Variants in KCNH1 observed in about 807,000 individuals in gnomAD.
KCNH1 encodes the protein voltage-gated delayed rectifier potassium channel KCNH1.
KCNH1 carries 27 observed loss-of-function variants against 69.2 expected under a neutral mutation model. That is an observed-to-expected ratio of 0.39 (90% CI 0.29 to 0.54). The LOEUF (loss-of-function observed/expected upper bound fraction) is 0.54, where lower values mean the gene tolerates loss of function less well. Ranked by LOEUF, KCNH1 falls within the 20% of genes least tolerant of loss-of-function variation. The pLI, the probability that KCNH1 is intolerant of heterozygous loss-of-function variation, is 0.68. For missense variants in KCNH1, 798 were observed against 1,261.6 expected (o/e 0.63, Z 5.57); for synonymous variants, 456 against 487.7 (o/e 0.93, Z 0.86).
intron 5 of KCNH1, among the ~76,000 whole-genome samples, chr1:211,024,875 A>G (rs937637676): frequency 6.6e-6 from 1 of 151,836 alleles, no homozygotes; most frequent in African/African-American, 2.4e-5. Flanking sequence ...TGGCTGGTCC[A>G]AAGTAGGCAC....
At chr1:210,935,101 TA>T (rs1227114240) in intron 6 of KCNH1, among the ~76,000 whole-genome samples, 5 of 142,522 alleles carry the variant, frequency 3.5e-5, no homozygotes, top group African/African-American at 1.1e-4. Context: ...CATCAACAGA[TA>T]AATGGGCAAA....
intron 5 of KCNH1, among the ~76,000 whole-genome samples, chr1:211,075,665 A>G (rs1035348865): frequency 4.6e-5 from 7 of 152,250 alleles, no homozygotes; most frequent in Non-Finnish European, 7.3e-5. Flanking sequence ...AGCGTGATCA[A>G]TGCAGAAGAT....
At chr1:210,823,522 C>G (rs1254694054) in intron 7 of KCNH1, among the ~76,000 whole-genome samples, 4 of 152,174 alleles carry the variant, frequency 2.6e-5, no homozygotes, top group Non-Finnish European at 2.9e-5. Flanking sequence ...ATTTGGACCT[C>G]TTTCTTGCTT....
intron 5 of KCNH1, among the ~76,000 whole-genome samples, chr1:211,020,343 A>G (rs958807507): frequency 3.3e-5 from 5 of 152,046 alleles, no homozygotes; most frequent in African/African-American, 9.6e-5. Flanking sequence ...ATTAGAAGCT[A>G]TTATGAATAA....
At chr1:210,811,699 T>C (rs1333652158) in intron 7 of KCNH1, among the ~76,000 whole-genome samples, 2 of 152,084 alleles carry the variant, frequency 1.3e-5, no homozygotes, top group Non-Finnish European at 2.9e-5. Flanking sequence ...GTGCCCCATA[T>C]GAAAGTGAAA....
At chr1:210,859,643 G>A (rs1344186175) in intron 7 of KCNH1, 1 of 1,337,264 alleles carries the variant, frequency 7.5e-7, no homozygotes, top group East Asian at 2.3e-5. Flanking sequence ...TCATTCTTGT[G>A]TTCTGCATGG....
At chr1:210,985,916 C>T (rs932141967) in intron 6 of KCNH1, among the ~76,000 whole-genome samples, 5 of 152,310 alleles carry the variant, frequency 3.3e-5, no homozygotes, top group Non-Finnish European at 7.3e-5. Context: ...GTGTGGGAGT[C>T]TAAGTCTCTT....
intron 10 of KCNH1, among the ~76,000 whole-genome samples, chr1:210,701,932 A>T (rs1015852730): frequency 6.6e-6 from 1 of 152,128 alleles, no homozygotes; most frequent in East Asian, 1.9e-4. Flanking sequence ...CTTCAGGAAA[A>T]AACATGCCCC....
At chr1:210,762,388 C>G (rs1281672733) in intron 10 of KCNH1, among the ~76,000 whole-genome samples, 2 of 152,018 alleles carry the variant, frequency 1.3e-5, no homozygotes, top group Non-Finnish European at 2.9e-5. Context: ...CAGGGCAGAA[C>G]TAAATGAAAC....
chr1:211,030,121 T>C (rs1379889235), intron 5 of KCNH1, among the ~76,000 whole-genome samples: 6 of 152,188 alleles, frequency 3.9e-5, no homozygotes, highest in Non-Finnish European at 8.8e-5. Context: ...TCTATCAAAA[T>C]GCTGGCAAGA....
chr1:211,013,062 T>G (rs1028678021), intron 6 of KCNH1, among the ~76,000 whole-genome samples: 2 of 152,222 alleles, frequency 1.3e-5, no homozygotes, highest in African/African-American at 4.8e-5. Flanking sequence ...TCTCATGACT[T>G]TCACCTGACA....
chr1:210,727,877 C>G (rs915285009), intron 10 of KCNH1, among the ~76,000 whole-genome samples: 4 of 152,196 alleles, frequency 2.6e-5, no homozygotes, highest in African/African-American at 9.7e-5. Flanking sequence ...GTCTGCACAG[C>G]TAATCTCAAG....
intron 6 of KCNH1, among the ~76,000 whole-genome samples, chr1:210,991,671 T>C (rs1256447777): frequency 6.6e-6 from 1 of 151,122 alleles, no homozygotes; most frequent in Non-Finnish European, 1.5e-5. Context: ...AAAAAAGGTG[T>C]TACATATGTT....
At chr1:210,995,230 C>T (rs1266530664) in intron 6 of KCNH1, among the ~76,000 whole-genome samples, 2 of 152,096 alleles carry the variant, frequency 1.3e-5, no homozygotes, top group African/African-American at 4.8e-5. Context: ...ATTCAAGAGG[C>T]TTATATTTTT....
At chr1:211,002,336 GTGTATATATATA>G (rs1376100385) in intron 6 of KCNH1, among the ~76,000 whole-genome samples, 10 of 141,418 alleles carry the variant, frequency 7.1e-5, no homozygotes, top group African/African-American at 2.1e-4. Context: ...ATGTGTGTGT[GTGTATATATATA>G]TATATACACA....
At chr1:210,759,557 A>C (rs1683471726) in intron 10 of KCNH1, among the ~76,000 whole-genome samples, 1 of 152,106 alleles carries the variant, frequency 6.6e-6, no homozygotes, top group African/African-American at 2.4e-5. Flanking sequence ...GACCAAGCAG[A>C]AGAAAGTATT....
At chr1:210,886,866 G>C (rs536295347) in intron 7 of KCNH1, among the ~76,000 whole-genome samples, 1 of 152,190 alleles carries the variant, frequency 6.6e-6, no homozygotes, top group South Asian at 2.1e-4. Context: ...GAAAATGAAT[G>C]AACAAAGCCT....
chr1:210,970,107 T>TC (rs1382707831), intron 6 of KCNH1, among the ~76,000 whole-genome samples: 1 of 152,120 alleles, frequency 6.6e-6, no homozygotes, highest in Non-Finnish European at 1.5e-5. Context: ...CTTTTATTTT[T>TC]TTTTTATTTT....
At chr1:211,110,669 C>A (rs1538288) in intron 1 of KCNH1, among the ~76,000 whole-genome samples, 115,552 of 152,068 alleles carry the variant, frequency 0.76, 44,530 homozygotes, top group African/African-American at 0.89. Flanking sequence ...TTAGGGAGAG[C>A]AAAGAGAACA....
Sources: allele counts gnomAD v4.1 joint callset (sites outside exome capture counted in the v4.1 genomes callset), GRCh38; gene constraint gnomAD v4.1.1; transcripts MANE v1.5; gene names NCBI Gene and HGNC (gene_info 2026-07-23, HGNC 2026-07-21).